INPP4B: variants seen among roughly 807,000 people sequenced by gnomAD.
INPP4B encodes the protein inositol polyphosphate-4-phosphatase type II B.
Under a neutral mutation model 122.5 loss-of-function variants are expected in INPP4B, and 55 were observed. The observed-to-expected ratio is 0.45, with a 90% CI of 0.36 to 0.56. INPP4B has a LOEUF of 0.56. Among genes scored for constraint, INPP4B ranks in the 20% least tolerant of loss-of-function variants. The pLI is 0.00. For synonymous variants in INPP4B, 403 were observed against 388.7 expected, an observed-to-expected ratio of 1.04 and a Z score of -0.43; for missense variants, 1,000 against 1,097.7, an observed-to-expected ratio of 0.91 and a Z score of 1.26.
intron 2 of INPP4B, among the ~76,000 whole-genome samples, chr4:142,661,330 A>C (rs1755133750): frequency 6.6e-6 from 1 of 152,240 alleles, no homozygotes; most frequent in South Asian, 2.1e-4. Context: ...CAGTAATAAA[A>C]TAAATTTCAA....
intron 10 of INPP4B, among the ~76,000 whole-genome samples, chr4:142,262,430 C>G (rs1158849811): frequency 6.6e-6 from 1 of 152,044 alleles, no homozygotes; most frequent in Non-Finnish European, 1.5e-5. Flanking sequence ...GACATATATC[C>G]CCATCTCACT....
intron 5 of INPP4B, among the ~76,000 whole-genome samples, chr4:142,407,638 G>A (rs190433598): frequency 4.4e-4 from 67 of 152,184 alleles, no homozygotes; most frequent in Admixed American, 1.3e-3. Context: ...AACAATAATA[G>A]TTACATCTTG....
chr4:142,471,566 A>G (rs77527487), intron 2 of INPP4B, among the ~76,000 whole-genome samples: 2,285 of 152,332 alleles, frequency 0.015, 60 homozygotes, highest in African/African-American at 0.051. Context: ...ACTTCAGCTC[A>G]GAAAAAGAAT....
chr4:142,478,636 C>T (rs1820106482), intron 2 of INPP4B, among the ~76,000 whole-genome samples: 1 of 152,092 alleles, frequency 6.6e-6, no homozygotes, highest in African/African-American at 2.4e-5. Context: ...AGAGATAAAG[C>T]CTACTTGATC....
intron 7 of INPP4B, among the ~76,000 whole-genome samples, chr4:142,376,405 C>A (rs1324394902): frequency 1.3e-5 from 2 of 151,954 alleles, no homozygotes; most frequent in Non-Finnish European, 2.9e-5. Flanking sequence ...CCAAATGATA[C>A]TGACTTCTTG....
intron 1 of INPP4B, among the ~76,000 whole-genome samples, chr4:142,830,193 G>A (rs1204615352): frequency 6.6e-6 from 1 of 152,174 alleles, no homozygotes; most frequent in South Asian, 2.1e-4. Flanking sequence ...ATATCTCCAA[G>A]ATATTTTATA....
intron 8 of INPP4B, among the ~76,000 whole-genome samples, chr4:142,310,247 T>C: frequency 6.6e-6 from 1 of 152,184 alleles, no homozygotes; most frequent in East Asian, 1.9e-4. Flanking sequence ...CTACTCCAAG[T>C]TGAGATGTAC....
chr4:142,323,371 A>G (rs1203386844), intron 7 of INPP4B, among the ~76,000 whole-genome samples: 1 of 151,974 alleles, frequency 6.6e-6, no homozygotes, highest in Non-Finnish European at 1.5e-5. Flanking sequence ...ATGGGTCATA[A>G]TGAGAACAGG....
intron 12 of INPP4B, among the ~76,000 whole-genome samples, chr4:142,233,237 C>T (rs1200609777): frequency 2.0e-5 from 3 of 151,758 alleles, no homozygotes; most frequent in African/African-American, 4.8e-5. Flanking sequence ...TATGTGTATT[C>T]CCACAGGTCC....
At chr4:142,314,144 C>T (rs1015324447) in intron 8 of INPP4B, among the ~76,000 whole-genome samples, 4 of 152,176 alleles carry the variant, frequency 2.6e-5, no homozygotes, top group African/African-American at 9.7e-5. Context: ...GGAGCTGCCA[C>T]CGCCTACTCT....
chr4:142,783,727 G>GTGT (rs1775271054), intron 1 of INPP4B, among the ~76,000 whole-genome samples: 1 of 152,102 alleles, frequency 6.6e-6, no homozygotes, highest in East Asian at 1.9e-4. Context: ...AGAATAGAGA[G>GTGT]TGTAATGACA....
chr4:142,695,673 C>A (rs1580724452), intron 2 of INPP4B, among the ~76,000 whole-genome samples: 1 of 152,264 alleles, frequency 6.6e-6, no homozygotes, highest in East Asian at 1.9e-4. Context: ...ACCTACCCAA[C>A]AGATACGATT....
chr4:142,760,334 A>G (rs1228865111), intron 1 of INPP4B, among the ~76,000 whole-genome samples: 1 of 152,194 alleles, frequency 6.6e-6, no homozygotes, highest in African/African-American at 2.4e-5. Flanking sequence ...CTTTTAACTA[A>G]CAAAAGAGAT....
Position 142,074,788 on chromosome 4 carries a change from C to G in INPP4B, c.2642+7243G>C, listed in dbSNP as rs564112723. Reference sequence around the variant, plus strand: ...AAAATAAGTTGTTCAATGTGCCACACATTACAACACTTAAACGTAAGCAAA... The same window carrying G: ...AAAATAAGTTGTTCAATGTGCCACAGATTACAACACTTAAACGTAAGCAAA... On this transcript the variant is annotated intron_variant, in intron 25 of 25. Coordinates refer to ENST00000262992, the MANE Select transcript of INPP4B (RefSeq NM_001101669.3). Among the ~76,000 whole-genome samples, 5 of 151,742 alleles carry G rather than the reference C, an allele frequency of 3.3e-5. No homozygotes were observed. In the South Asian group the frequency reaches 6.2e-4, roughly 19 times the overall value.
intron 7 of INPP4B, among the ~76,000 whole-genome samples, chr4:142,322,950 T>C (rs953489724): frequency 2.0e-5 from 3 of 152,196 alleles, no homozygotes; most frequent in Non-Finnish European, 4.4e-5. Flanking sequence ...AGTAAAGAAC[T>C]ATTGCTATAA....
intron 1 of INPP4B, among the ~76,000 whole-genome samples, chr4:142,775,688 G>A (rs1420025315): frequency 6.6e-6 from 1 of 151,984 alleles, no homozygotes; most frequent in Admixed American, 6.6e-5. Context: ...TCTTTAGTGA[G>A]TGAAATATCT....
At chr4:142,286,470 A>T (rs3775679) in intron 9 of INPP4B, among the ~76,000 whole-genome samples, 7,956 of 152,274 alleles carry the variant, frequency 0.052, 341 homozygotes, top group East Asian at 0.21. Flanking sequence ...ATTGCTGTAT[A>T]TATTTTTGTA....
At chr4:142,256,641 C>T (rs1311050147) in intron 11 of INPP4B, among the ~76,000 whole-genome samples, 1 of 152,150 alleles carries the variant, frequency 6.6e-6, no homozygotes, top group Non-Finnish European at 1.5e-5. Context: ...TACACTCTCC[C>T]AAGACTAAAC....
chr4:142,518,072 C>T (rs1825633904), intron 2 of INPP4B, among the ~76,000 whole-genome samples: 1 of 152,108 alleles, frequency 6.6e-6, no homozygotes, highest in South Asian at 2.1e-4. Context: ...TGACATCTTC[C>T]TGAATTACAA....
Sources: gnomAD v4.1 joint callset for allele counts (sites outside exome capture counted in the v4.1 genomes callset) on GRCh38, gnomAD v4.1.1 for gene constraint, MANE v1.5 for transcripts, NCBI Gene and HGNC (gene_info 2026-07-23, HGNC 2026-07-21) for gene names.